The following AGTPBP1 variants were observed in gnomAD, a reference collection of about 807,000 sequenced individuals.
The protein encoded by AGTPBP1 is ATP/GTP binding carboxypeptidase 1, also known as cytosolic carboxypeptidase 1.
In AGTPBP1, 70 loss-of-function variants were observed where a neutral mutation model predicts 143.9. The ratio of observed to expected loss-of-function variants is 0.49; its 90% confidence interval spans 0.40 to 0.59. The LOEUF (loss-of-function observed/expected upper bound fraction) is 0.59, where lower values mean the gene tolerates loss of function less well. AGTPBP1 is among the 20% of genes least tolerant of loss of function. AGTPBP1 has a pLI of 0.00. For missense variants in AGTPBP1, 1,229 were observed against 1,464.5 expected (o/e 0.84, Z 2.62); for synonymous variants, 463 against 500.2 (o/e 0.93, Z 0.99).
At chr9:85,604,290 G>A (rs1039099777) in intron 17 of AGTPBP1, among the ~76,000 whole-genome samples, 6 of 152,198 alleles carry the variant, frequency 3.9e-5, no homozygotes, top group Admixed American at 6.5e-5. Context: ...CTCTGTTTGG[G>A]AGAAAGTAAA....
At chr9:85,789,304 A>T in the AGTPBP1 span, among the ~76,000 whole-genome samples, 2 of 152,198 alleles carry the variant, frequency 1.3e-5, no homozygotes, top group East Asian at 3.9e-4. Flanking sequence ...AAAATTAAAC[A>T]CCTACCCAAG....
chr9:85,750,983 G>A, the AGTPBP1 span, among the ~76,000 whole-genome samples: 1 of 152,190 alleles, frequency 6.6e-6, no homozygotes, highest in Admixed American at 6.5e-5. Context: ...AGACCAAGGA[G>A]TCCAACTGGG....
At chr9:85,697,907 T>A (rs1836372046) in intron 2 of AGTPBP1, among the ~76,000 whole-genome samples, 1 of 152,210 alleles carries the variant, frequency 6.6e-6, no homozygotes, top group Admixed American at 6.5e-5. Context: ...GTGATCTTGA[T>A]CTGGTTCTTT....
chr9:85,597,748 T>C (rs572417279), intron 17 of AGTPBP1, among the ~76,000 whole-genome samples: 3 of 152,294 alleles, frequency 2.0e-5, no homozygotes, highest in East Asian at 1.9e-4. Context: ...CATCTAATAA[T>C]AGAATCAGAT....
At position 85,546,868 on chromosome 9, in the gene AGTPBP1, G is replaced by T; in HGVS notation, c.*241C>A. ...ATGATACTCAGGTTTTTTTTTTAAA[G>T]GTAAATCCAATATTTGATCATTCAA... On this transcript the variant is annotated 3_prime_UTR_variant, in exon 26 of 26. Coordinates refer to ENST00000357081, the MANE Select transcript of AGTPBP1 (RefSeq NM_001330701.2). 2 of 301,198 alleles carry T rather than the reference G, an allele frequency of 6.6e-6. No individual in the cohort carries two copies. Among genetic ancestry groups the T allele is most frequent in the East Asian group, 6.0e-5 (1 of 16,632 alleles). 18.7% of individuals were successfully genotyped at this position (301,198 alleles called of 1,614,324 possible).
At chr9:85,602,696 G>A (rs1186112861) in intron 17 of AGTPBP1, among the ~76,000 whole-genome samples, 2 of 152,024 alleles carry the variant, frequency 1.3e-5, no homozygotes, top group African/African-American at 2.4e-5. Flanking sequence ...AACTATCCAC[G>A]CAAGAAAGCA....
chr9:85,684,431 T>G (rs999801831), intron 3 of AGTPBP1, among the ~76,000 whole-genome samples: 3 of 152,122 alleles, frequency 2.0e-5, no homozygotes, highest in African/African-American at 7.2e-5. Context: ...AACCTTTATC[T>G]TCAACCTCTA....
intron 14 of AGTPBP1, among the ~76,000 whole-genome samples, chr9:85,624,482 C>CACTGCATATAAAATGCT (rs1831149609): frequency 6.6e-6 from 1 of 152,178 alleles, no homozygotes; most frequent in African/African-American, 2.4e-5. Flanking sequence ...ATGCTTGTTA[C>CACTGCATATAAAATGCT]TGAATTGTGT....
At chr9:85,785,323 G>A in the AGTPBP1 span, among the ~76,000 whole-genome samples, 1 of 151,494 alleles carries the variant, frequency 6.6e-6, no homozygotes, top group Admixed American at 6.6e-5. Flanking sequence ...GACAGAGCGA[G>A]ACTCCGTCTC....
chr9:85,719,669 T>C (rs1006110103), intron 1 of AGTPBP1, among the ~76,000 whole-genome samples: 5 of 152,242 alleles, frequency 3.3e-5, no homozygotes, highest in African/African-American at 7.2e-5. Flanking sequence ...TCTTGCCTGA[T>C]TGCCCTGGCC....
At chr9:85,745,387 A>G (rs569800500), upstream of AGTPBP1, among the ~76,000 whole-genome samples, 9 of 152,352 alleles carry the variant, frequency 5.9e-5, no homozygotes, top group East Asian at 1.5e-3. Context: ...CTATTCAACA[A>G]TCAACCATTT....
chr9:85,753,414 C>A, the AGTPBP1 span: 2 of 1,613,764 alleles, frequency 1.2e-6, no homozygotes, highest in Non-Finnish European at 1.7e-6. Context: ...TATAGACCAT[C>A]TCCAGGTTTG....
intron 19 of AGTPBP1, among the ~76,000 whole-genome samples, chr9:85,590,702 T>C (rs1211521173): frequency 6.6e-6 from 1 of 152,106 alleles, no homozygotes; most frequent in Non-Finnish European, 1.5e-5. Context: ...AAAGGTCTTC[T>C]ACAGAAAACT....
intron 25 of AGTPBP1, among the ~76,000 whole-genome samples, chr9:85,553,595 T>C (rs144067159): frequency 1.2e-4 from 18 of 152,350 alleles, no homozygotes; most frequent in Non-Finnish European, 1.6e-4. Flanking sequence ...GGAGCAGCTG[T>C]ATCACTTAGC....
At chr9:85,768,804 T>C in the AGTPBP1 span, among the ~76,000 whole-genome samples, 1 of 151,808 alleles carries the variant, frequency 6.6e-6, no homozygotes, top group Non-Finnish European at 1.5e-5. Flanking sequence ...TCCCATCACT[T>C]TGGGAGGCTG....
intron 11 of AGTPBP1, among the ~76,000 whole-genome samples, 160 bp downstream of exon 11, chr9:85,654,983 C>T (rs1833406441): frequency 6.6e-6 from 1 of 152,210 alleles, no homozygotes; most frequent in South Asian, 2.1e-4. Context: ...CCTCCAATTT[C>T]TTACATTTAA....
chr9:85,621,407 C>T, intron 14 of AGTPBP1, 122 bp from the exon 15 acceptor site: 1 of 400,414 alleles, frequency 2.5e-6, no homozygotes, highest in Non-Finnish European at 4.3e-6. Flanking sequence ...ATGATTATTC[C>T]TCTATCTATA....
intron 18 of AGTPBP1, among the ~76,000 whole-genome samples, chr9:85,595,787 A>C (rs1829262687): frequency 6.6e-6 from 1 of 152,064 alleles, no homozygotes; most frequent in Admixed American, 6.6e-5. Flanking sequence ...TCACCCTCCC[A>C]AAGTGCTGGG....
chr9:85,686,663 A>G (rs1835505583), intron 3 of AGTPBP1, among the ~76,000 whole-genome samples: 1 of 152,192 alleles, frequency 6.6e-6, no homozygotes, highest in African/African-American at 2.4e-5. Flanking sequence ...ATGTATAAAC[A>G]TAACATGTAA....
Sources: gnomAD v4.1 joint callset for allele counts (sites outside exome capture counted in the v4.1 genomes callset) on GRCh38, gnomAD v4.1.1 for gene constraint, MANE v1.5 for transcripts, NCBI Gene and HGNC (gene_info 2026-07-23, HGNC 2026-07-21) for gene names.